The following ESYT2 variants were observed in gnomAD, a reference collection of about 807,000 sequenced individuals.
The protein encoded by ESYT2 is extended synaptotagmin-2.
In ESYT2, 54 loss-of-function variants were observed where a neutral mutation model predicts 107.2. That is an observed-to-expected ratio of 0.50 (90% CI 0.40 to 0.63). The LOEUF is 0.63. Ranked by LOEUF, ESYT2 falls within the 30% of genes least tolerant of loss-of-function variation. The pLI, the probability that ESYT2 is intolerant of heterozygous loss-of-function variation, is 0.00. For synonymous variants in ESYT2, 491 were observed against 434.1 expected, an observed-to-expected ratio of 1.13 and a Z score of -1.63; for missense variants, 1,020 against 1,094.5, an observed-to-expected ratio of 0.93 and a Z score of 0.96.
chr7:158,779,397 A>G (rs1838692133), intron 6 of ESYT2, among the ~76,000 whole-genome samples: 1 of 152,214 alleles, frequency 6.6e-6, no homozygotes. Context: ...ATCTCAAGAA[A>G]AAAAGAAGCC....
intron 3 of ESYT2, among the ~76,000 whole-genome samples, chr7:158,794,354 G>C (rs1459429211): frequency 6.6e-6 from 1 of 152,194 alleles, no homozygotes; most frequent in African/African-American, 2.4e-5. Context: ...AATTAGCTAA[G>C]ATGGTAGCGC....
At chr7:158,779,064 C>T (rs1838677345) in intron 6 of ESYT2, among the ~76,000 whole-genome samples, 1 of 152,128 alleles carries the variant, frequency 6.6e-6, no homozygotes, top group South Asian at 2.1e-4. Context: ...GTAAAACCTC[C>T]ATAAATGGGT....
At chr7:158,781,579 T>A (rs560516659) in intron 6 of ESYT2, among the ~76,000 whole-genome samples, 4 of 142,922 alleles carry the variant, frequency 2.8e-5, no homozygotes, top group African/African-American at 1.1e-4. Context: ...GAACAAAGTG[T>A]GAGAGGTTTG....
At chr7:158,750,254 TG>T (rs1253847948) in intron 14 of ESYT2, among the ~76,000 whole-genome samples, 1 of 152,038 alleles carries the variant, frequency 6.6e-6, no homozygotes, top group Non-Finnish European at 1.5e-5. Context: ...TAATTTTGAC[TG>T]GAAGAATAAT....
At chr7:158,782,629 AGTG>A (rs1008383059) in intron 6 of ESYT2, among the ~76,000 whole-genome samples, 1 of 110,636 alleles carries the variant, frequency 9.0e-6, no homozygotes, top group Non-Finnish European at 2.0e-5. Flanking sequence ...GAACATGTGA[AGTG>A]GGTATGTGAG....
intron 3 of ESYT2, among the ~76,000 whole-genome samples, chr7:158,796,094 T>G (rs1356978199): frequency 6.6e-6 from 1 of 152,156 alleles, no homozygotes; most frequent in Non-Finnish European, 1.5e-5. Flanking sequence ...CACAGCCACA[T>G]CTATCACAAC....
At position 158,818,340 on chromosome 7, in the gene ESYT2, T is replaced by C. The variant is rs142438091; in HGVS notation, c.330+10749A>G. ...AAGGAAGAGGAGTGCCACTGTAGGC[T>C]CCTTGGATATTATTTTAGGGATATA... On this transcript the variant is annotated intron_variant, in intron 1 of 22. Transcript: ENST00000275418. Among the ~76,000 whole-genome samples, 11 of 152,322 alleles carry C rather than the reference T, an allele frequency of 7.2e-5. No individual in the cohort carries two copies. The East Asian group carries it at 2.1e-3, about 29-fold the overall frequency.
chr7:158,766,011 AAC>A (rs1003887301), intron 8 of ESYT2, among the ~76,000 whole-genome samples: 2 of 152,000 alleles, frequency 1.3e-5, no homozygotes, highest in Non-Finnish European at 2.9e-5. Context: ...CATCCTGGCT[AAC>A]ACAGTGAAAC....
rs116678354 is a variant in ESYT2, at chr7:158,809,005, A to C, written c.331-9933T>G. On this transcript the variant is annotated intron_variant, in intron 1 of 22. Transcript: ENST00000275418. ...AACAACAACAACAACAAAACAAAAC[A>C]AAACCAATAAATAAACAAATAAGTT... 3.7e-3 allele frequency among the ~76,000 whole-genome samples: 564 copies of C among 152,106 alleles called. 5 individuals are homozygous for C. Among genetic ancestry groups the C allele is most frequent in the African/African-American group, 0.013 (539 of 41,498 alleles).
intron 1 of ESYT2, among the ~76,000 whole-genome samples, chr7:158,823,960 T>A (rs1400317211): frequency 6.6e-6 from 1 of 152,226 alleles, no homozygotes; most frequent in East Asian, 1.9e-4. Flanking sequence ...TCCTTAAATG[T>A]AGAATGATAA....
chr7:158,792,026 T>C (rs1329132421), intron 4 of ESYT2, among the ~76,000 whole-genome samples: 1 of 152,222 alleles, frequency 6.6e-6, no homozygotes, highest in Non-Finnish European at 1.5e-5. Context: ...TTTTTGATTC[T>C]ATTACAAATG....
intron 6 of ESYT2, among the ~76,000 whole-genome samples, chr7:158,786,450 T>C (rs756810714): frequency 2.4e-4 from 37 of 152,220 alleles, no homozygotes; most frequent in Admixed American, 1.2e-3. Flanking sequence ...ATTTTAAATC[T>C]TATGAATCTC....
At chr7:158,809,478 A>AC (rs989303944) in intron 1 of ESYT2, among the ~76,000 whole-genome samples, 7 of 149,292 alleles carry the variant, frequency 4.7e-5, no homozygotes, top group African/African-American at 1.7e-4. Flanking sequence ...CCATCTCAAA[A>AC]AAAAAAAAAA....
rs1036261021 is a variant in ESYT2 at position 158,829,505 on chromosome 7, C to G, written c.-87G>C. The stretch of plus-strand genomic sequence containing the variant: ...GGCGGCTCAGCCCCGCGCCAGCGCC[C>G]CTCTGAGGGGACGCGGCTCCGCCGC... On this transcript the variant is annotated 5_prime_UTR_variant, in exon 1 of 23. Transcript: ENST00000275418. The G allele has an allele frequency of 9.4e-6, 12 of 1,272,756 alleles. No individual in the cohort carries two copies. In the African/African-American group the frequency reaches 1.4e-4, roughly 15 times the overall value. 78.8% of individuals were successfully genotyped at this position (1,272,756 alleles called of 1,614,324 possible).
intron 1 of ESYT2, among the ~76,000 whole-genome samples, chr7:158,819,728 A>C (rs1002872221): frequency 2.0e-5 from 3 of 152,220 alleles, no homozygotes; most frequent in Non-Finnish European, 4.4e-5. Context: ...ATCAGAAAAA[A>C]ATGTTTTTGA....
At chr7:158,779,941 C>T (rs371407849) in intron 6 of ESYT2, among the ~76,000 whole-genome samples, 2 of 152,220 alleles carry the variant, frequency 1.3e-5, no homozygotes, top group East Asian at 1.9e-4. Context: ...CTTAAGTGGT[C>T]AGCATCCAAC....
rs775063037 is a variant in ESYT2 at position 158,760,123 on chromosome 7, T to C, written c.1258A>G (p.Lys420Glu). The change falls in exon 12 of 23, where the codon AAG becomes GAG. Residue 420 changes from lysine to glutamate, a missense_variant. Coordinates refer to ENST00000275418, the MANE Select transcript of ESYT2 (RefSeq NM_001367773.1). ...DEWFTLDEVP[K>E]GKLHLRLEWL... ...TCCAGTCTCAAGTGTAGCTTCCCCT[T>C]GGGAACCTCGTCCAGAGTGAACCAC... The C allele has an allele frequency of 6.2e-7, 1 of 1,614,198 alleles. No individual in the cohort carries two copies. Among genetic ancestry groups the C allele is most frequent in the Admixed American group, 1.7e-5 (1 of 60,020 alleles).
rs1372224358 is a variant in ESYT2, at chr7:158,788,087, C to T, written c.664G>A (p.Gly222Ser). 1 of 1,613,890 alleles carries T rather than the reference C, an allele frequency of 6.2e-7. No individual in the cohort carries two copies. The highest frequency in any genetic ancestry group is 1.7e-5 in the Admixed American group (1 of 60,004). Residue 222 changes from glycine to serine, a missense_variant, in exon 6 of 23, where the codon GGT (glycine) becomes AGT (serine). Physicochemically the swap from Gly to Ser is moderately conservative, Grantham distance 56. Transcript: ENST00000275418. ...GGTTCCAGGATCACCCGCATGGTAC[C>T]ATGAATCTAAACTCAAACAGGAAAC... The part of the protein sequence containing the change: ...RAGVKSIQIH[G>S]TMRVILEPLI...
At chr7:158,751,674 C>T (rs1481402766) in intron 14 of ESYT2, among the ~76,000 whole-genome samples, 2 of 152,034 alleles carry the variant, frequency 1.3e-5, no homozygotes, top group African/African-American at 4.8e-5. Flanking sequence ...TTAATGTATT[C>T]GATAATTTCA....
Sources: allele counts gnomAD v4.1 joint callset (sites outside exome capture counted in the v4.1 genomes callset), GRCh38; gene constraint gnomAD v4.1.1; transcripts MANE v1.5; gene names NCBI Gene and HGNC (gene_info 2026-07-23, HGNC 2026-07-21).